KSR1: variants seen among roughly 807,000 people sequenced by gnomAD.
KSR1 encodes kinase suppressor of ras 1.
KSR1 carries 35 observed loss-of-function variants against 92.9 expected under a neutral mutation model. The observed-to-expected ratio is 0.38, with a 90% CI of 0.29 to 0.50. The LOEUF (loss-of-function observed/expected upper bound fraction) is 0.50, where lower values mean the gene tolerates loss of function less well. Ranked by LOEUF, KSR1 falls within the 20% of genes least tolerant of loss-of-function variation. The probability of loss-of-function intolerance (pLI) is 0.94; values close to 1 mark genes in which losing one functional copy is unlikely to be tolerated. For missense variants in KSR1, 972 were observed against 1,158.5 expected, an observed-to-expected ratio of 0.84 and a Z score of 2.34; for synonymous variants, 467 against 472.6, an observed-to-expected ratio of 0.99 and a Z score of 0.15.
chr17:27,512,971 C>T (rs1324755078), intron 1 of KSR1, among the ~76,000 whole-genome samples: 1 of 152,150 alleles, frequency 6.6e-6, no homozygotes, highest in East Asian at 1.9e-4. Context: ...CTCTTACTGC[C>T]ACGCACAACA....
chr17:27,464,844 G>A (rs2019609755), intron 1 of KSR1, among the ~76,000 whole-genome samples: 2 of 151,984 alleles, frequency 1.3e-5, no homozygotes, highest in African/African-American at 4.8e-5. Context: ...CTAGTGCACA[G>A]GTGTCCAGTC....
chr17:27,456,620 C>A lies in KSR1; in HGVS notation c.-24C>A. The stretch of plus-strand genomic sequence containing the variant: ...CCGCGCCCCGGGCTCCCAGCCTCGG[C>A]CGCCGCGGCCCCGATGCCGAGGCAT... On this transcript the variant is annotated 5_prime_UTR_variant, in exon 1 of 21. Transcript: ENST00000644974. The A allele has an allele frequency of 2.1e-6, 1 of 478,506 alleles. No homozygotes were observed. The highest frequency in any genetic ancestry group is 3.6e-6 in the Non-Finnish European group (1 of 277,824). The allele number at this position is 478,506 out of a possible 1,614,324, so 29.6% of individuals were successfully genotyped here.
intron 2 of KSR1, among the ~76,000 whole-genome samples, chr17:27,561,363 T>C (rs1053685498): frequency 2.6e-5 from 4 of 152,216 alleles, no homozygotes; most frequent in Non-Finnish European, 4.4e-5. Context: ...TTCCTTTACA[T>C]TCACTCGTTA....
chr17:27,501,128 C>T (rs1298876240), intron 1 of KSR1, among the ~76,000 whole-genome samples: 1 of 152,124 alleles, frequency 6.6e-6, no homozygotes, highest in African/African-American at 2.4e-5. Context: ...TTGTGCTAAA[C>T]TCCTTTCATA....
intron 2 of KSR1, among the ~76,000 whole-genome samples, chr17:27,574,339 C>T (rs961978690): frequency 6.6e-6 from 1 of 152,210 alleles, no homozygotes; most frequent in African/African-American, 2.4e-5. Context: ...CTGCTGGTGC[C>T]GTTCTCATCA....
At chr17:27,618,856 C>A (rs9898153) in intron 19 of KSR1, among the ~76,000 whole-genome samples, 4 of 152,156 alleles carry the variant, frequency 2.6e-5, no homozygotes, top group East Asian at 1.9e-4. Flanking sequence ...GAAAAACTTT[C>A]CAAAAAAAAT....
At chr17:27,502,660 G>A (rs1254629841) in intron 1 of KSR1, among the ~76,000 whole-genome samples, 3 of 152,198 alleles carry the variant, frequency 2.0e-5, no homozygotes, top group Admixed American at 1.3e-4. Flanking sequence ...TCATCTTTCT[G>A]TGCTTGCTCA....
rs533951167 is a variant in KSR1 at position 27,559,930 on chromosome 17, G to A, written c.372+9222G>A. 6.6e-6 allele frequency among the ~76,000 whole-genome samples: 1 copy of A among 152,356 alleles called. No homozygotes were observed. Among genetic ancestry groups the A allele is most frequent in the African/African-American group, 2.4e-5 (1 of 41,588 alleles). On this transcript the variant is annotated intron_variant, in intron 2 of 20. Coordinates refer to ENST00000644974, the MANE Select transcript of KSR1 (RefSeq NM_001394583.1). The surrounding 1 kb of genome is among the most constrained non-coding windows in gnomAD (Gnocchi z 4.2). The stretch of plus-strand genomic sequence containing the variant: ...TTGGGGCTCCTCTTAGGGGATATTG[G>A]AAGTGTGTGTGAGAGAGGGGCAGGA...
chr17:27,509,164 T>C (rs953794693), intron 1 of KSR1, among the ~76,000 whole-genome samples: 4 of 152,210 alleles, frequency 2.6e-5, no homozygotes, highest in African/African-American at 7.2e-5. Context: ...GGCATTTTTC[T>C]GCAACCCTGC....
At chr17:27,615,306 T>C (rs2074027369) in intron 18 of KSR1, among the ~76,000 whole-genome samples, 1 of 152,266 alleles carries the variant, frequency 6.6e-6, no homozygotes. Context: ...GAACAGTGTA[T>C]ACACTACTAT....
chr17:27,483,419 C>G (rs1369990919), intron 1 of KSR1, among the ~76,000 whole-genome samples: 3 of 152,020 alleles, frequency 2.0e-5, no homozygotes, highest in Non-Finnish European at 4.4e-5. Context: ...GAAACCCTGT[C>G]TCTATTAAAA....
intron 1 of KSR1, among the ~76,000 whole-genome samples, chr17:27,517,588 A>T (rs369942518): frequency 7.0e-4 from 106 of 152,196 alleles, no homozygotes; most frequent in African/African-American, 2.5e-3. Flanking sequence ...CGGCCACTGC[A>T]CCTAGCTGAT....
At chr17:27,565,052 T>G (rs962254892) in intron 2 of KSR1, among the ~76,000 whole-genome samples, 2 of 152,236 alleles carry the variant, frequency 1.3e-5, no homozygotes, top group Admixed American at 6.5e-5. Flanking sequence ...TGTTAGCTTT[T>G]TAGGTGTTTT....
chr17:27,535,795 C>G (rs1424273617), intron 1 of KSR1, among the ~76,000 whole-genome samples: 2 of 152,222 alleles, frequency 1.3e-5, no homozygotes, highest in African/African-American at 4.8e-5. Flanking sequence ...TGAGGCTGAT[C>G]TTTGCCCCTC....
In KSR1 at chr17:27,617,402, C is replaced by G; in HGVS notation, c.2601C>G (p.His867Gln). The change falls in exon 19 of 21, where the codon CAC becomes CAG. Residue 867 changes from histidine to glutamine, a missense_variant. Physicochemically the swap from His to Gln is conservative, Grantham distance 24. Coordinates refer to ENST00000644974, the MANE Select transcript of KSR1 (RefSeq NM_001394583.1). Reference sequence around the variant, plus strand: ...CCAAGCTGAACCGGCGGCTCTCCCACCCTGGACACTTCTGGAAGTCAGCTG... The same window carrying G: ...CCAAGCTGAACCGGCGGCTCTCCCAGCCTGGACACTTCTGGAAGTCAGCTG... Reference protein sequence around the residue: ...KLPKLNRRLSHPGHFWKSADR... With the variant: ...KLPKLNRRLSQPGHFWKSADR... The G allele has an allele frequency of 6.2e-7, 1 of 1,612,126 alleles. No homozygotes were observed. Among genetic ancestry groups the G allele is most frequent in the Non-Finnish European group, 8.5e-7 (1 of 1,178,598 alleles).
intron 1 of KSR1, among the ~76,000 whole-genome samples, chr17:27,513,526 G>T (rs1597918875): frequency 6.6e-6 from 1 of 152,296 alleles, no homozygotes; most frequent in South Asian, 2.1e-4. Context: ...GTACCTGGAG[G>T]TAGCATCACT....
chr17:27,621,840 C>A, intron 20 of KSR1: 1 of 1,339,230 alleles, frequency 7.5e-7, no homozygotes, highest in Non-Finnish European at 1.1e-6. Flanking sequence ...TGCCCAGCTG[C>A]TCTGGCCAGA....
chr17:27,578,812 A>C (rs1173640173), intron 3 of KSR1: 8 of 152,182 alleles, frequency 5.3e-5, no homozygotes, highest in Admixed American at 5.2e-4. Flanking sequence ...AGAGAGGGAG[A>C]TCACTAATTT....
intron 1 of KSR1, among the ~76,000 whole-genome samples, chr17:27,528,049 A>G (rs1433686632): frequency 6.6e-6 from 1 of 152,114 alleles, no homozygotes; most frequent in Non-Finnish European, 1.5e-5. Context: ...TATTCTGTGT[A>G]AGTTAATGCA....
Sources: allele counts gnomAD v4.1 joint callset (sites outside exome capture counted in the v4.1 genomes callset), GRCh38; gene constraint gnomAD v4.1.1; non-coding constraint Gnocchi (gnomAD v3.1); transcripts MANE v1.5; gene names NCBI Gene and HGNC (gene_info 2026-07-23, HGNC 2026-07-21).